ZNF808: variants seen among roughly 807,000 people sequenced by gnomAD.
ZNF808 encodes the protein zinc finger protein 808.
ZNF808 carries 5 observed loss-of-function variants against 8.7 expected under a neutral mutation model. The observed-to-expected ratio is 0.58, with a 90% CI of 0.30 to 1.21. The LOEUF (loss-of-function observed/expected upper bound fraction) is 1.21, where lower values mean the gene tolerates loss of function less well. Among genes scored for constraint, ZNF808 ranks in the 50% most tolerant of loss-of-function variants. The pLI is 0.07. For synonymous variants in ZNF808, 380 were observed against 366.0 expected (o/e 1.04, Z -0.44); for missense variants, 1,103 against 1,098.4 (o/e 1.00, Z -0.06).
chr19:52,553,020 T>C (rs1470426638), intron 4 of ZNF808, 87 bp from the exon 5 acceptor site: 2 of 1,415,612 alleles, frequency 1.4e-6, no homozygotes, highest in Non-Finnish European at 1.9e-6. Context: ...TCAAAATAAG[T>C]ATTGTTTTTT....
chr19:52,560,325 CA>C (rs36115849), downstream of ZNF808, among the ~76,000 whole-genome samples: 2,583 of 136,076 alleles, frequency 0.019, 53 homozygotes, highest in African/African-American at 0.052. Context: ...CACTCCTTCT[CA>C]AAAAAAAAAA....
At chr19:52,538,620 C>A (rs955086219) in intron 2 of ZNF808, among the ~76,000 whole-genome samples, 27 of 132,334 alleles carry the variant, frequency 2.0e-4, no homozygotes, top group African/African-American at 7.8e-4. Context: ...AAGAGCGAAA[C>A]TCTGTCTCAA....
downstream of ZNF808, among the ~76,000 whole-genome samples, chr19:52,567,172 G>A (rs2059874933): frequency 6.6e-6 from 1 of 151,960 alleles, no homozygotes; most frequent in Non-Finnish European, 1.5e-5. Context: ...GGCTGGTCTC[G>A]AACCCCTGAT....
At chr19:52,529,438 A>G (rs981313545) in intron 1 of ZNF808, among the ~76,000 whole-genome samples, 4 of 152,196 alleles carry the variant, frequency 2.6e-5, no homozygotes, top group East Asian at 1.9e-4. Flanking sequence ...TTCATTGGAT[A>G]TGATTAGTTG....
intron 3 of ZNF808, among the ~76,000 whole-genome samples, chr19:52,561,413 G>A (rs937102733): frequency 3.3e-5 from 5 of 151,830 alleles, no homozygotes; most frequent in South Asian, 4.1e-4. Context: ...GCAGACTACT[G>A]TGCTTAAAAA....
intron 2 of ZNF808, among the ~76,000 whole-genome samples, chr19:52,534,716 C>T (rs2059589076): frequency 6.6e-6 from 1 of 151,940 alleles, no homozygotes; most frequent in African/African-American, 2.4e-5. Flanking sequence ...TGGTGAAACC[C>T]CGTCTCTACC....
Position 52,553,052 on chromosome 19 carries a change from G to A in ZNF808, c.191-55G>A, listed in dbSNP as rs2059793109. On this transcript the variant is annotated intron_variant, in intron 4 of 4. Transcript: ENST00000359798. Reference sequence around the variant, plus strand: ...TTTTGTGTCATATTTACACACTTCAGTATGATTTACCATCTGTACTTAATT... The same window carrying A: ...TTTTGTGTCATATTTACACACTTCAATATGATTTACCATCTGTACTTAATT... 5 of 1,495,028 alleles carry A rather than the reference G, an allele frequency of 3.3e-6. No individual in the cohort carries two copies. In the South Asian group the frequency reaches 7.3e-5, roughly 22 times the overall value. 92.6% of individuals were successfully genotyped at this position (1,495,028 alleles called of 1,614,324 possible). A position where few individuals can be genotyped will look rare whatever the true frequency, so the allele number is the denominator to read the frequency against.
At chr19:52,556,939 G>T (rs1386738224), downstream of ZNF808, among the ~76,000 whole-genome samples, 1 of 152,030 alleles carries the variant, frequency 6.6e-6, no homozygotes, top group East Asian at 1.9e-4. Flanking sequence ...GGCATAGAAT[G>T]CTCCTCCAAA....
At chr19:52,528,763 G>A (rs1568475107) in intron 1 of ZNF808, among the ~76,000 whole-genome samples, 1 of 152,022 alleles carries the variant, frequency 6.6e-6, no homozygotes, top group African/African-American at 2.4e-5. Context: ...TGGGGACAGG[G>A]GAGTATATCA....
At chr19:52,535,354 A>AG (rs1491069885) in intron 2 of ZNF808, among the ~76,000 whole-genome samples, 1 of 143,238 alleles carries the variant, frequency 7.0e-6, no homozygotes, top group Non-Finnish European at 1.5e-5. Flanking sequence ...AAAAAAAAAA[A>AG]AGAGAGAAAA....
At chr19:52,539,050 C>A (rs113927837) in intron 2 of ZNF808, among the ~76,000 whole-genome samples, 1 of 151,720 alleles carries the variant, frequency 6.6e-6, no homozygotes, top group Non-Finnish European at 1.5e-5. Context: ...TGGCTGGGGT[C>A]GGGAGTGGGG....
At chr19:52,552,972 T>C in intron 4 of ZNF808, 135 bp from the exon 5 acceptor site, 1 of 1,295,802 alleles carries the variant, frequency 7.7e-7, no homozygotes, top group South Asian at 2.0e-5. Context: ...TCTCACTCTT[T>C]TTGTGTTCCT....
chr19:52,551,746 T>C (rs145879290), intron 4 of ZNF808, among the ~76,000 whole-genome samples: 10,672 of 152,150 alleles, frequency 0.07, 389 homozygotes, highest in Non-Finnish European at 0.078. Context: ...CTCACACCTG[T>C]GATCCCAGAA....
chr19:52,566,958 T>G (rs556788080), downstream of ZNF808, among the ~76,000 whole-genome samples: 2 of 17,550 alleles, frequency 1.1e-4, no homozygotes, highest in South Asian at 1.3e-3. Context: ...AGGATAGGTG[T>G]TTTTTTTTTT....
chr19:52,549,206 C>T (rs1160293443), intron 4 of ZNF808, among the ~76,000 whole-genome samples: 3 of 152,052 alleles, frequency 2.0e-5, no homozygotes, highest in Admixed American at 2.0e-4. Flanking sequence ...TCTTGAACTC[C>T]TGACCTCCTG....
chr19:52,548,585 G>A (rs1460969880), intron 4 of ZNF808, among the ~76,000 whole-genome samples: 1 of 152,082 alleles, frequency 6.6e-6, no homozygotes, highest in Admixed American at 6.5e-5. Context: ...ACCACACCCG[G>A]GTAATTTTTG....
intron 2 of ZNF808, among the ~76,000 whole-genome samples, chr19:52,538,128 C>T (rs1382468503): frequency 6.6e-6 from 1 of 152,058 alleles, no homozygotes; most frequent in African/African-American, 2.4e-5. Flanking sequence ...CTCCCTCAGT[C>T]TCCTGAGTAG....
At chr19:52,533,607 A>G (rs1252379053) in intron 2 of ZNF808, among the ~76,000 whole-genome samples, 1 of 151,874 alleles carries the variant, frequency 6.6e-6, no homozygotes, top group Non-Finnish European at 1.5e-5. Context: ...CTGTAATCCC[A>G]GCACTTTGGG....
chr19:52,549,186 G>A (rs1394546865), intron 4 of ZNF808, among the ~76,000 whole-genome samples: 1 of 151,940 alleles, frequency 6.6e-6, no homozygotes, highest in African/African-American at 2.4e-5. Context: ...CACCATGCTG[G>A]CCTGGCCGGT....
Sources: allele counts gnomAD v4.1 joint callset (sites outside exome capture counted in the v4.1 genomes callset), GRCh38; gene constraint gnomAD v4.1.1; transcripts MANE v1.5; gene names NCBI Gene and HGNC (gene_info 2026-07-23, HGNC 2026-07-21).